Variants in ABHD18 observed in about 807,000 individuals in gnomAD.
The protein encoded by ABHD18 is abhydrolase domain containing 18.
ABHD18 carries 55 observed loss-of-function variants against 65.9 expected under a neutral mutation model. That is an observed-to-expected ratio of 0.84 (90% CI 0.67 to 1.05). The LOEUF is 1.05. ABHD18 is among the 50% of genes least tolerant of loss of function. ABHD18 has a pLI of 0.00. For synonymous variants in ABHD18, 181 were observed against 180.2 expected (o/e 1.00, Z -0.04); for missense variants, 533 against 558.5 (o/e 0.95, Z 0.46).
At chr4:128,024,484 A>G (rs1757036428) in intron 10 of ABHD18, among the ~76,000 whole-genome samples, 1 of 152,122 alleles carries the variant, frequency 6.6e-6, no homozygotes, top group African/African-American at 2.4e-5. Flanking sequence ...ACAATAACGA[A>G]TATTCAATAA....
chr4:127,978,661 T>G (rs1748422640), intron 1 of ABHD18, among the ~76,000 whole-genome samples: 3 of 152,226 alleles, frequency 2.0e-5, no homozygotes, highest in Non-Finnish European at 4.4e-5. Context: ...GAGGTAAGTA[T>G]TATCATTACT....
intron 10 of ABHD18, among the ~76,000 whole-genome samples, chr4:128,023,647 G>C (rs1440100148): frequency 6.6e-6 from 1 of 151,590 alleles, no homozygotes; most frequent in Non-Finnish European, 1.5e-5. Context: ...TTGGGAGGCC[G>C]AGGAGGGCAG....
intron 4 of ABHD18, among the ~76,000 whole-genome samples, chr4:127,996,911 A>T (rs1244249664): frequency 6.6e-6 from 1 of 152,218 alleles, no homozygotes; most frequent in African/African-American, 2.4e-5. Flanking sequence ...TGTTCCCTGA[A>T]AATCGCTGTT....
chr4:128,038,499 T>A lies in ABHD18; in HGVS notation c.*2686T>A, dbSNP rs953301271. The A allele has an allele frequency of 6.6e-6, 1 of 152,200 alleles. No homozygotes were observed. Among genetic ancestry groups the A allele is most frequent in the Non-Finnish European group, 1.5e-5 (1 of 68,036 alleles). The allele number at this position is 152,200 out of a possible 1,614,324, so 9.4% of individuals were successfully genotyped here. A position where few individuals can be genotyped will look rare whatever the true frequency, so the allele number is the denominator to read the frequency against. ...TTTCTATTGTTAAAAAAATGAAATGTTGATTTAGTTTTAATTCTTAGGCAT... is the reference window on the plus strand; with the variant it reads ...TTTCTATTGTTAAAAAAATGAAATGATGATTTAGTTTTAATTCTTAGGCAT... On this transcript the variant is annotated 3_prime_UTR_variant, in exon 13 of 13. Transcript: ENST00000645843.
chr4:128,018,883 A>T (rs191869451), intron 8 of ABHD18, among the ~76,000 whole-genome samples: 1 of 151,856 alleles, frequency 6.6e-6, no homozygotes, highest in East Asian at 1.9e-4. Context: ...GTGTGGTGGC[A>T]CGTGCCTGTA....
At chr4:128,027,711 T>C (rs1757594373) in intron 10 of ABHD18, among the ~76,000 whole-genome samples, 1 of 152,168 alleles carries the variant, frequency 6.6e-6, no homozygotes, top group African/African-American at 2.4e-5. Context: ...GCCAGTAATT[T>C]TAAATTCTGG....
At chr4:128,007,424 A>T (rs901483297) in intron 4 of ABHD18, among the ~76,000 whole-genome samples, 1 of 151,950 alleles carries the variant, frequency 6.6e-6, no homozygotes, top group Admixed American at 6.6e-5. Flanking sequence ...AAAACATTAA[A>T]TAAGGACCAA....
intron 1 of ABHD18, among the ~76,000 whole-genome samples, chr4:127,971,842 A>G (rs1180227694): frequency 2.0e-5 from 3 of 152,062 alleles, no homozygotes; most frequent in Admixed American, 6.6e-5. Context: ...TTTGGTAAAG[A>G]GTAATCTATT....
intron 7 of ABHD18, among the ~76,000 whole-genome samples, chr4:128,014,627 T>C (rs1755167028): frequency 6.6e-6 from 1 of 152,182 alleles, no homozygotes; most frequent in Non-Finnish European, 1.5e-5. Context: ...TAATAATTCA[T>C]CATAAGAAAT....
At chr4:128,011,007 T>G (rs1168899796) in intron 6 of ABHD18, among the ~76,000 whole-genome samples, 1 of 152,096 alleles carries the variant, frequency 6.6e-6, no homozygotes, top group Admixed American at 6.6e-5. Context: ...TTTTTGTACT[T>G]TTTGGATTTT....
chr4:128,028,634 T>G lies in ABHD18; in HGVS notation c.961T>G (p.Ser321Ala). ...PADCHNSSKT[S>A]VSATSEGLLL... ...TGACTGCCATAATTCTAGCAAAACATCTGTCAGTGCGACATCAGAAGGACT... is the reference window on the plus strand; with the variant it reads ...TGACTGCCATAATTCTAGCAAAACAGCTGTCAGTGCGACATCAGAAGGACT... Residue 321 changes from serine (S) to alanine (A), a missense_variant, in exon 11 of 13, where the codon TCT becomes GCT. This residue lies in a region of ABHD18 where 220 missense variants were observed against 226.8 expected (regional missense o/e 0.97). Transcript: ENST00000645843. The G allele has an allele frequency of 6.2e-7, 1 of 1,613,908 alleles. No homozygotes were observed. Among genetic ancestry groups the G allele is most frequent in the Non-Finnish European group, 8.5e-7 (1 of 1,179,868 alleles).
At position 128,011,150 on chromosome 4, in the gene ABHD18, ATT is replaced by A. The variant is rs766141488; in HGVS notation, c.443-508_443-507del. 5.7e-5 allele frequency among the ~76,000 whole-genome samples: 8 copies of A among 141,498 alleles called. No homozygotes were observed. The East Asian group carries it at 6.1e-4, about 11-fold the overall frequency. 92.8% of individuals were successfully genotyped at this position (141,498 alleles called of 152,430 possible). A position where few individuals can be genotyped will look rare whatever the true frequency, so the allele number is the denominator to read the frequency against. On this transcript the variant is annotated intron_variant, in intron 6 of 12. Transcript: ENST00000645843. ...TATTGGCTGAATTATGTGATATATG[ATT>A]TTTTTTTTTTTTTTGAGACGGACTC...
intron 10 of ABHD18, among the ~76,000 whole-genome samples, chr4:128,023,403 CAAAAAAAAAAAAA>C (rs59549849): frequency 1.1e-3 from 49 of 44,970 alleles, no homozygotes; most frequent in East Asian, 2.8e-3. Context: ...CTTGTCTCTA[CAAAAAAAAAAAAA>C]AAAAAAAAAA....
rs59549849 is a variant in ABHD18, at chr4:128,023,403, C to CA, written c.801+2196dup. 2.3e-3 allele frequency among the ~76,000 whole-genome samples: 105 copies of CA among 44,966 alleles called. 9 individuals are homozygous for CA. The highest frequency in any genetic ancestry group is 7.1e-3 in the South Asian group (4 of 566). 29.5% of individuals were successfully genotyped at this position (44,966 alleles called of 152,430 possible). On this transcript the variant is annotated intron_variant, in intron 10 of 12. Transcript: ENST00000645843. Reference sequence around the variant, plus strand: ...AAATAAAGTGAGACTCTTGTCTCTACAAAAAAAAAAAAAAAAAAAAAAAAA... The same window carrying CA: ...AAATAAAGTGAGACTCTTGTCTCTACAAAAAAAAAAAAAAAAAAAAAAAAAA...
At chr4:128,003,231 G>C (rs1752987467) in intron 4 of ABHD18, among the ~76,000 whole-genome samples, 1 of 151,774 alleles carries the variant, frequency 6.6e-6, no homozygotes. Flanking sequence ...GCTGGGCATG[G>C]TGGCCGCGTG....
chr4:127,970,029 A>G (rs1051815143), intron 1 of ABHD18, among the ~76,000 whole-genome samples: 2 of 151,828 alleles, frequency 1.3e-5, no homozygotes, highest in African/African-American at 4.8e-5. Context: ...GATTACAATC[A>G]TGAGCCACTG....
rs1429490506 is a variant in ABHD18 at position 128,030,950 on chromosome 4, G to A, written c.1343+278G>A. The A allele has an allele frequency of 3.6e-6, 4 of 1,105,368 alleles. No individual in the cohort carries two copies. The African/African-American group carries it at 4.9e-5, about 14-fold the overall frequency. The allele number at this position is 1,105,368 out of a possible 1,614,324, so 68.5% of individuals were successfully genotyped here. On this transcript the variant is annotated intron_variant, in intron 12 of 12. Coordinates refer to ENST00000645843, the MANE Select transcript of ABHD18 (RefSeq NM_001358451.3). ...TATTAATGGCCAGGTATTTTAGGATGTGAGAAGGAAGATCATGGCTTGTTA... is the reference window on the plus strand; with the variant it reads ...TATTAATGGCCAGGTATTTTAGGATATGAGAAGGAAGATCATGGCTTGTTA...
intron 10 of ABHD18, among the ~76,000 whole-genome samples, chr4:128,025,166 C>A (rs1288776897): frequency 6.6e-6 from 1 of 152,100 alleles, no homozygotes; most frequent in African/African-American, 2.4e-5. Context: ...ATTTTTGGTC[C>A]ATGTGCAAAC....
In ABHD18 at chr4:127,965,459, C is replaced by T; in HGVS notation, c.-165C>T. ...TGTCTTCCTCCCTCCGTTTCTCCTT[C>T]CGCTGTATCTAGCATTTCGGTTCCT... On this transcript the variant is annotated 5_prime_UTR_variant, in exon 1 of 13. Transcript: ENST00000645843. 6.1e-6 allele frequency: 3 copies of T among 489,502 alleles called. No homozygotes were observed. The highest frequency in any genetic ancestry group is 2.1e-5 in the South Asian group (1 of 47,046). The allele number at this position is 489,502 out of a possible 1,614,324, so 30.3% of individuals were successfully genotyped here. A position where few individuals can be genotyped will look rare whatever the true frequency, so the allele number is the denominator to read the frequency against.
Sources: gnomAD v4.1 joint callset for allele counts (sites outside exome capture counted in the v4.1 genomes callset) on GRCh38, gnomAD v4.1.1 for gene constraint, gnomAD v4.1.1 regional missense constraint, MANE v1.5 for transcripts, NCBI Gene and HGNC (gene_info 2026-07-23, HGNC 2026-07-21) for gene names.